ITPR2: variants seen among roughly 807,000 people sequenced by gnomAD.
ITPR2 encodes inositol 1,4,5-trisphosphate-gated calcium channel ITPR2.
In ITPR2, 207 loss-of-function variants were observed where a neutral mutation model predicts 317.1. The observed-to-expected ratio is 0.65, with a 90% CI of 0.58 to 0.73. The LOEUF (loss-of-function observed/expected upper bound fraction) is 0.73. Among genes scored for constraint, ITPR2 ranks in the 30% least tolerant of loss-of-function variants. The probability of loss-of-function intolerance (pLI) is 0.00; values close to 1 mark genes in which losing one functional copy is unlikely to be tolerated. For missense variants in ITPR2, 2,613 were observed against 3,284.0 expected (o/e 0.80, Z 4.99); for synonymous variants, 1,156 against 1,149.1 (o/e 1.01, Z -0.12).
At chr12:26,782,033 T>TAGAGAGA (rs1950101026) in intron 2 of ITPR2, among the ~76,000 whole-genome samples, 2 of 18,036 alleles carry the variant, frequency 1.1e-4, no homozygotes, top group East Asian at 1.6e-3. Flanking sequence ...TATATATATA[T>TAGAGAGA]GTATAGAGAG....
Position 26,414,237 on chromosome 12 carries a change from A to C in ITPR2, c.7306+1066T>G, listed in dbSNP as rs1940650495. On this transcript the variant is annotated intron_variant, in intron 51 of 56. Coordinates refer to ENST00000381340, the MANE Select transcript of ITPR2 (RefSeq NM_002223.4). ...TAAAATTCAGGACAGTCTCAAGTTT[A>C]ATAACTTCCAGTCCACATATATGAT... Among the ~76,000 whole-genome samples the C allele has an allele frequency of 3.9e-5, 6 of 152,258 alleles. No individual in the cohort carries two copies. The South Asian group carries it at 1.2e-3, about 32-fold the overall frequency.
intron 1 of ITPR2, among the ~76,000 whole-genome samples, chr12:26,801,855 G>C (rs1950561020): frequency 1.3e-5 from 2 of 151,402 alleles, no homozygotes; most frequent in Non-Finnish European, 2.9e-5. Flanking sequence ...TGAAACTGCT[G>C]TAAGGATTTA....
At chr12:26,568,543 C>T (rs1192430252) in intron 34 of ITPR2, among the ~76,000 whole-genome samples, 1 of 151,788 alleles carries the variant, frequency 6.6e-6, no homozygotes, top group African/African-American at 2.4e-5. Flanking sequence ...TTAAATATTG[C>T]TTATTATATA....
chr12:26,467,065 AAG>A (rs775096183), intron 45 of ITPR2, among the ~76,000 whole-genome samples: 14 of 152,182 alleles, frequency 9.2e-5, no homozygotes, highest in Non-Finnish European at 1.9e-4. Flanking sequence ...GGAAGCTGCA[AAG>A]AGGTGAAGAG....
At chr12:26,715,532 T>A in intron 7 of ITPR2, 87 bp from the exon 8 acceptor site, 1 of 1,178,368 alleles carries the variant, frequency 8.5e-7, no homozygotes, top group Non-Finnish European at 1.2e-6. Flanking sequence ...GCCCTTCTAC[T>A]AGCTATTTGA....
chr12:26,564,115 T>C (rs926737309), intron 34 of ITPR2, among the ~76,000 whole-genome samples: 4 of 152,030 alleles, frequency 2.6e-5, no homozygotes, highest in Admixed American at 6.5e-5. Flanking sequence ...ATGTGAAAAA[T>C]TGGCTGAAAA....
chr12:26,738,971 C>T (rs760674672), intron 2 of ITPR2, among the ~76,000 whole-genome samples: 4 of 152,176 alleles, frequency 2.6e-5, no homozygotes, highest in Non-Finnish European at 5.9e-5. Context: ...AGTGCTTTTA[C>T]AACTCAATAA....
chr12:26,556,792 A>AT (rs35744122), intron 35 of ITPR2, among the ~76,000 whole-genome samples: 39,308 of 145,696 alleles, frequency 0.27, 6,270 homozygotes, highest in Non-Finnish European at 0.35. Context: ...AAAAAAAAAA[A>AT]TTCCAGCCAG....
At chr12:26,486,027 T>A in intron 41 of ITPR2, 77 bp downstream of exon 41, 2 of 1,507,014 alleles carry the variant, frequency 1.3e-6, no homozygotes, top group South Asian at 1.2e-5. Context: ...CCGAAACTAC[T>A]TGTTGGTTTT....
chr12:26,497,320 A>AT (rs1942959318), intron 37 of ITPR2, among the ~76,000 whole-genome samples: 1 of 151,504 alleles, frequency 6.6e-6, no homozygotes, highest in African/African-American at 2.4e-5. Flanking sequence ...CACCCAGCTA[A>AT]TTTTTTTGTA....
At chr12:26,728,574 C>T (rs1948975148) in intron 2 of ITPR2, among the ~76,000 whole-genome samples, 1 of 152,206 alleles carries the variant, frequency 6.6e-6, no homozygotes, top group South Asian at 2.1e-4. Flanking sequence ...TGTTAAAAAG[C>T]TTTCATTGGT....
At chr12:26,768,593 A>C (rs12830020) in intron 2 of ITPR2, among the ~76,000 whole-genome samples, 3 of 141,946 alleles carry the variant, frequency 2.1e-5, no homozygotes, top group Non-Finnish European at 4.7e-5. Context: ...AAAAAAAAAA[A>C]AAAACCTCCT....
At chr12:26,444,522 AC>A (rs537070426) in intron 45 of ITPR2, among the ~76,000 whole-genome samples, 85 of 152,274 alleles carry the variant, frequency 5.6e-4, no homozygotes, top group Admixed American at 4.8e-3. Flanking sequence ...CACTTCAAGT[AC>A]ATGATCTTAT....
chr12:26,816,687 G>C (rs139455951), intron 1 of ITPR2, among the ~76,000 whole-genome samples: 1 of 152,282 alleles, frequency 6.6e-6, no homozygotes, highest in East Asian at 1.9e-4. Flanking sequence ...TATAATTGCG[G>C]TAAGTTTTGT....
intron 45 of ITPR2, among the ~76,000 whole-genome samples, chr12:26,458,935 T>C (rs1276336444): frequency 6.6e-6 from 1 of 152,222 alleles, no homozygotes; most frequent in African/African-American, 2.4e-5. Flanking sequence ...ACAGTTGCTG[T>C]GATCCCATAG....
chr12:26,798,773 G>A (rs1950501820), intron 1 of ITPR2, among the ~76,000 whole-genome samples: 3 of 152,222 alleles, frequency 2.0e-5, no homozygotes, highest in African/African-American at 7.2e-5. Context: ...GGCCACTCCT[G>A]TACAAGGCCA....
At chr12:26,439,364 A>C in intron 46 of ITPR2, 45 bp from the exon 47 acceptor site, 1 of 1,349,394 alleles carries the variant, frequency 7.4e-7, no homozygotes. Flanking sequence ...CGGACACCTC[A>C]GTCTTAGACT....
At chr12:26,411,216 C>T in intron 52 of ITPR2, 104 bp downstream of exon 52, 1 of 722,974 alleles carries the variant, frequency 1.4e-6, no homozygotes, top group East Asian at 2.7e-5. Context: ...CTATTTCAAT[C>T]CATCATGAAA....
Position 26,445,747 on chromosome 12 carries a change from G to A in ITPR2, c.6343-2097C>T, listed in dbSNP as rs563360019. Reference sequence around the variant, plus strand: ...TAGTGAGTTTAAAAAAGAATGGGAGGTGAGGAAGTATAAACAAGGAGTGTG... The same window carrying A: ...TAGTGAGTTTAAAAAAGAATGGGAGATGAGGAAGTATAAACAAGGAGTGTG... On this transcript the variant is annotated intron_variant, in intron 45 of 56. Transcript: ENST00000381340. Among the ~76,000 whole-genome samples the A allele has an allele frequency of 8.5e-5, 13 of 152,200 alleles. No homozygotes were observed. In the East Asian group the frequency reaches 2.3e-3, roughly 27 times the overall value.
Sources: allele counts gnomAD v4.1 joint callset (sites outside exome capture counted in the v4.1 genomes callset), GRCh38; gene constraint gnomAD v4.1.1; transcripts MANE v1.5; gene names NCBI Gene and HGNC (gene_info 2026-07-23, HGNC 2026-07-21).